The following CTNNA3 variants were observed in gnomAD, a reference collection of about 807,000 sequenced individuals.
CTNNA3 encodes the protein catenin alpha 3.
Under a neutral mutation model 95.7 loss-of-function variants are expected in CTNNA3, and 76 were observed. The observed-to-expected ratio is 0.79, with a 90% confidence interval of 0.66 to 0.96. The LOEUF is 0.96. CTNNA3 is among the 40% of genes least tolerant of loss of function. The pLI is 0.00. For missense variants in CTNNA3, 1,191 were observed against 1,089.8 expected (o/e 1.09, Z -1.31); for synonymous variants, 431 against 374.4 (o/e 1.15, Z -1.74).
At chr10:66,559,347 T>G (rs879592485) in intron 10 of CTNNA3, among the ~76,000 whole-genome samples, 1 of 61,030 alleles carries the variant, frequency 1.6e-5, no homozygotes, top group African/African-American at 6.1e-5. Context: ...TACCCACCCC[T>G]CCCACCCTAA....
intron 13 of CTNNA3, among the ~76,000 whole-genome samples, chr10:66,209,859 C>G (rs2088018806): frequency 6.6e-6 from 1 of 151,970 alleles, no homozygotes; most frequent in South Asian, 2.1e-4. Flanking sequence ...TATGCCTTTC[C>G]TATAGTGTTT....
At chr10:66,777,079 G>A (rs1467295324) in intron 7 of CTNNA3, among the ~76,000 whole-genome samples, 3 of 152,150 alleles carry the variant, frequency 2.0e-5, no homozygotes, top group Admixed American at 2.0e-4. Flanking sequence ...TCTATGAGCT[G>A]AGGTTGCTGG....
intron 12 of CTNNA3, among the ~76,000 whole-genome samples, chr10:66,324,251 C>T (rs1445559611): frequency 3.9e-5 from 6 of 151,946 alleles, no homozygotes; most frequent in South Asian, 2.1e-4. Context: ...ACCCAGGAGG[C>T]GGAGATTCCA....
At chr10:67,464,397 T>C (rs1847501372) in intron 5 of CTNNA3, among the ~76,000 whole-genome samples, 1 of 152,182 alleles carries the variant, frequency 6.6e-6, no homozygotes. Context: ...CTTGTGACTT[T>C]TCAAATAAAA....
At chr10:66,791,924 A>C (rs1041366647) in intron 7 of CTNNA3, among the ~76,000 whole-genome samples, 5 of 152,006 alleles carry the variant, frequency 3.3e-5, no homozygotes, top group African/African-American at 1.2e-4. Context: ...AACTTGTACA[A>C]CTGCAAAGTG....
At chr10:66,432,678 A>AAC (rs1462197594) in intron 11 of CTNNA3, among the ~76,000 whole-genome samples, 2 of 151,600 alleles carry the variant, frequency 1.3e-5, no homozygotes, top group African/African-American at 4.9e-5. Flanking sequence ...AAAAAAAAAA[A>AAC]AGTTCTGGTA....
chr10:66,660,725 TTGCTCA>T (rs1846232628), intron 9 of CTNNA3, among the ~76,000 whole-genome samples: 1 of 152,200 alleles, frequency 6.6e-6, no homozygotes. Flanking sequence ...TTTCAGGTTT[TTGCTCA>T]AACTCAGAGA....
intron 7 of CTNNA3, among the ~76,000 whole-genome samples, chr10:67,156,431 T>C (rs1027573829): frequency 6.6e-6 from 1 of 151,828 alleles, no homozygotes; most frequent in African/African-American, 2.4e-5. Flanking sequence ...GAAACTTCCC[T>C]CTTAGTACTG....
intron 7 of CTNNA3, among the ~76,000 whole-genome samples, chr10:66,944,121 T>C (rs775139093): frequency 1.3e-5 from 2 of 152,248 alleles, no homozygotes; most frequent in African/African-American, 2.4e-5. Context: ...TGTTGATTGA[T>C]AGCATTTTAT....
chr10:66,502,756 C>T (rs573767048), intron 11 of CTNNA3, among the ~76,000 whole-genome samples: 4 of 151,958 alleles, frequency 2.6e-5, no homozygotes, highest in African/African-American at 9.7e-5. Context: ...CATACTTGTA[C>T]CGGGTTTTCC....
At chr10:66,686,166 G>A (rs1403141965) in intron 9 of CTNNA3, among the ~76,000 whole-genome samples, 1 of 152,148 alleles carries the variant, frequency 6.6e-6, no homozygotes, top group Non-Finnish European at 1.5e-5. Flanking sequence ...GGCATCCTCA[G>A]TATTTGTTTT....
intron 12 of CTNNA3, among the ~76,000 whole-genome samples, chr10:66,342,690 T>G (rs1353361452): frequency 6.6e-6 from 1 of 152,092 alleles, no homozygotes; most frequent in Non-Finnish European, 1.5e-5. Context: ...ATTGGTCATA[T>G]AATTCATTAA....
chr10:67,000,162 G>A (rs1454013934), intron 7 of CTNNA3, among the ~76,000 whole-genome samples: 1 of 152,198 alleles, frequency 6.6e-6, no homozygotes, highest in Non-Finnish European at 1.5e-5. Context: ...CTGGTTTCCT[G>A]AAGACAGCTT....
chr10:66,703,962 G>C (rs777451525), intron 9 of CTNNA3, among the ~76,000 whole-genome samples: 19 of 152,180 alleles, frequency 1.2e-4, no homozygotes, highest in Non-Finnish European at 2.6e-4. Context: ...TAATATCATA[G>C]TTTTTCTTAA....
At chr10:67,075,182 A>ACACACACACACG (rs1564873847) in intron 7 of CTNNA3, among the ~76,000 whole-genome samples, 1 of 152,032 alleles carries the variant, frequency 6.6e-6, no homozygotes, top group Non-Finnish European at 1.5e-5. Flanking sequence ...ACACACACAC[A>ACACACACACACG]CACACACTCA....
intron 13 of CTNNA3, among the ~76,000 whole-genome samples, chr10:66,217,006 T>C (rs1323955536): frequency 2.6e-5 from 4 of 152,202 alleles, no homozygotes; most frequent in Non-Finnish European, 5.9e-5. Flanking sequence ...TTCTAAACCC[T>C]GATAACCACT....
At chr10:67,486,132 C>G (rs1258826898) in intron 5 of CTNNA3, among the ~76,000 whole-genome samples, 1 of 152,198 alleles carries the variant, frequency 6.6e-6, no homozygotes, top group East Asian at 1.9e-4. Flanking sequence ...CAGAAGGAGT[C>G]TTGTTCACAC....
chr10:65,957,087 A>G (rs909042452), intron 17 of CTNNA3, among the ~76,000 whole-genome samples: 7 of 152,092 alleles, frequency 4.6e-5, no homozygotes, highest in Non-Finnish European at 1.0e-4. Context: ...TTGGGTGCAT[A>G]TATATTTAGG....
rs529294600 is a variant in CTNNA3 at position 67,641,515 on chromosome 10, C to A, written c.99+5900G>T. On this transcript the variant is annotated intron_variant, in intron 2 of 17. Transcript: ENST00000433211. ...AGCCATCCCATTACTGGGTATATAC[C>A]CAAAGGATTATAAATCATGCTACTA... Among the ~76,000 whole-genome samples the A allele has an allele frequency of 3.3e-5, 5 of 152,172 alleles. No homozygotes were observed. The South Asian group carries it at 1.0e-3, about 32-fold the overall frequency.
Sources: allele counts gnomAD v4.1 joint callset (sites outside exome capture counted in the v4.1 genomes callset), GRCh38; gene constraint gnomAD v4.1.1; transcripts MANE v1.5; gene names NCBI Gene and HGNC (gene_info 2026-07-23, HGNC 2026-07-21).